CLSTN2: variants seen among roughly 807,000 people sequenced by gnomAD.
CLSTN2 encodes calsyntenin-2.
Under a neutral mutation model 101.2 loss-of-function variants are expected in CLSTN2, and 48 were observed. The observed-to-expected ratio is 0.47, with a 90% CI of 0.38 to 0.60. The LOEUF (loss-of-function observed/expected upper bound fraction) is 0.60, where lower values mean the gene tolerates loss of function less well. CLSTN2 is among the 20% of genes least tolerant of loss of function. The pLI is 0.00. For missense variants in CLSTN2, 1,160 were observed against 1,238.2 expected (o/e 0.94, Z 0.95); for synonymous variants, 481 against 463.6 (o/e 1.04, Z -0.48).
intron 2 of CLSTN2, among the ~76,000 whole-genome samples, chr3:140,212,860 A>C (rs1282052678): frequency 6.6e-6 from 1 of 152,176 alleles, no homozygotes; most frequent in African/African-American, 2.4e-5. Flanking sequence ...TCCATGCCTG[A>C]GCTGTGTGCC....
chr3:140,178,362 T>G (rs1199281377), intron 2 of CLSTN2, among the ~76,000 whole-genome samples: 3 of 152,176 alleles, frequency 2.0e-5, no homozygotes, highest in Non-Finnish European at 4.4e-5. Flanking sequence ...ACAAAAGGAT[T>G]TCCTTAAGTC....
At chr3:140,390,575 T>C (rs1242866031) in intron 2 of CLSTN2, among the ~76,000 whole-genome samples, 1 of 152,250 alleles carries the variant, frequency 6.6e-6, no homozygotes, top group African/African-American at 2.4e-5. Flanking sequence ...ATTCTGCAGT[T>C]GGATGTAGTA....
intron 1 of CLSTN2, among the ~76,000 whole-genome samples, chr3:140,135,455 T>A (rs1051875225): frequency 6.6e-6 from 1 of 152,138 alleles, no homozygotes; most frequent in Non-Finnish European, 1.5e-5. Context: ...TGATTCAATA[T>A]GTCATTTCTG....
At chr3:140,254,495 T>C (rs369044563) in intron 2 of CLSTN2, among the ~76,000 whole-genome samples, 1 of 152,308 alleles carries the variant, frequency 6.6e-6, no homozygotes, top group Admixed American at 6.5e-5. Flanking sequence ...ACTTAGAGAT[T>C]TTTAACAATT....
chr3:140,031,978 G>A (rs1176382982), intron 1 of CLSTN2, among the ~76,000 whole-genome samples: 1 of 152,108 alleles, frequency 6.6e-6, no homozygotes, highest in Admixed American at 6.5e-5. Context: ...TTTCCAAACT[G>A]CTCACTAGTC....
chr3:140,388,949 C>T (rs112602496), intron 2 of CLSTN2, among the ~76,000 whole-genome samples: 2,519 of 152,076 alleles, frequency 0.017, 74 homozygotes, highest in African/African-American at 0.058. Flanking sequence ...CTGTTTTTTG[C>T]ATCTGTTGAA....
intron 2 of CLSTN2, among the ~76,000 whole-genome samples, chr3:140,307,733 C>A (rs562641964): frequency 4.2e-4 from 64 of 152,230 alleles, no homozygotes; most frequent in African/African-American, 1.4e-3. Context: ...AATCAGCTTC[C>A]CTAAAATGTC....
chr3:140,080,529 C>T (rs2008578409), intron 1 of CLSTN2, among the ~76,000 whole-genome samples: 1 of 152,160 alleles, frequency 6.6e-6, no homozygotes, highest in African/African-American at 2.4e-5. Flanking sequence ...CCAACCCAAC[C>T]TTCTTTCTCT....
chr3:140,338,728 G>A (rs909640145), intron 2 of CLSTN2, among the ~76,000 whole-genome samples: 1 of 152,214 alleles, frequency 6.6e-6, no homozygotes, highest in African/African-American at 2.4e-5. Flanking sequence ...GGCTTTTCCT[G>A]CGTGAGGCCT....
At chr3:140,198,749 T>C (rs1184038117) in intron 2 of CLSTN2, among the ~76,000 whole-genome samples, 1 of 152,228 alleles carries the variant, frequency 6.6e-6, no homozygotes, top group Non-Finnish European at 1.5e-5. Flanking sequence ...AATCTAACCA[T>C]TTAAAATGTA....
At chr3:140,101,899 C>T (rs1304646135) in intron 1 of CLSTN2, among the ~76,000 whole-genome samples, 1 of 152,214 alleles carries the variant, frequency 6.6e-6, no homozygotes, top group Non-Finnish European at 1.5e-5. Flanking sequence ...CATGTGACTG[C>T]AACTCAGTTG....
chr3:140,350,420 A>C (rs2087593145), intron 2 of CLSTN2, among the ~76,000 whole-genome samples: 1 of 152,224 alleles, frequency 6.6e-6, no homozygotes, highest in Non-Finnish European at 1.5e-5. Context: ...TCAAAGAGTG[A>C]GGAATTAGAT....
chr3:140,030,119 C>T (rs976926533), intron 1 of CLSTN2, among the ~76,000 whole-genome samples: 11 of 152,134 alleles, frequency 7.2e-5, no homozygotes, highest in African/African-American at 2.4e-4. Context: ...AGCAACAGAC[C>T]GAGGGGACAG....
chr3:140,564,380 C>CCCA (rs1356705248), intron 16 of CLSTN2, among the ~76,000 whole-genome samples: 1 of 152,176 alleles, frequency 6.6e-6, no homozygotes, highest in Non-Finnish European at 1.5e-5. Flanking sequence ...TTGCTCTTAC[C>CCCA]CCACAAACAG....
At chr3:140,005,478 C>G (rs1356838003) in intron 1 of CLSTN2, among the ~76,000 whole-genome samples, 1 of 152,116 alleles carries the variant, frequency 6.6e-6, no homozygotes, top group Non-Finnish European at 1.5e-5. Context: ...TCGTTCACCC[C>G]CTGCCCACCA....
intron 1 of CLSTN2, among the ~76,000 whole-genome samples, chr3:139,985,100 G>A (rs959393092): frequency 1.3e-5 from 2 of 152,150 alleles, no homozygotes; most frequent in African/African-American, 2.4e-5. Context: ...CCTGTCACCT[G>A]TTACATGGTC....
intron 1 of CLSTN2, among the ~76,000 whole-genome samples, chr3:140,074,907 G>A (rs902628680): frequency 5.3e-5 from 8 of 152,190 alleles, no homozygotes; most frequent in East Asian, 1.9e-4. Flanking sequence ...ACCGAACCCC[G>A]GGCCCAGAGT....
intron 2 of CLSTN2, among the ~76,000 whole-genome samples, chr3:140,203,735 C>G (rs2010747984): frequency 6.6e-6 from 1 of 152,032 alleles, no homozygotes; most frequent in Non-Finnish European, 1.5e-5. Context: ...AATGGCTTCT[C>G]CTGGCAGTGC....
intron 1 of CLSTN2, among the ~76,000 whole-genome samples, chr3:139,975,895 C>A (rs1935808007): frequency 6.6e-6 from 1 of 152,188 alleles, no homozygotes; most frequent in African/African-American, 2.4e-5. Flanking sequence ...AGGCAGTGTG[C>A]TAAGGGCTTT....
Sources: gnomAD v4.1 joint callset for allele counts (sites outside exome capture counted in the v4.1 genomes callset) on GRCh38, gnomAD v4.1.1 for gene constraint, MANE v1.5 for transcripts, NCBI Gene and HGNC (gene_info 2026-07-23, HGNC 2026-07-21) for gene names.